Variants in BABAM2 observed in about 807,000 individuals in gnomAD.
The protein encoded by BABAM2 is BRISC and BRCA1 A complex member 2.
Under a neutral mutation model 54.7 loss-of-function variants are expected in BABAM2, and 31 were observed. The ratio of observed to expected loss-of-function variants is 0.57; its 90% CI spans 0.43 to 0.77. The LOEUF is 0.77. BABAM2 is among the 30% of genes least tolerant of loss of function. BABAM2 has a pLI of 0.00. For missense variants in BABAM2, 364 were observed against 455.8 expected, an observed-to-expected ratio of 0.80 and a Z score of 1.83; for synonymous variants, 167 against 162.9, an observed-to-expected ratio of 1.03 and a Z score of -0.19.
chr2:27,978,544 C>G (rs995994203), intron 3 of BABAM2, among the ~76,000 whole-genome samples: 11 of 152,204 alleles, frequency 7.2e-5, no homozygotes, highest in African/African-American at 2.4e-4. Context: ...CACTTCCATA[C>G]TTGGAGTTTC....
At chr2:28,194,641 G>C (rs1018609993) in intron 7 of BABAM2, among the ~76,000 whole-genome samples, 6 of 140,482 alleles carry the variant, frequency 4.3e-5, no homozygotes, top group Admixed American at 3.8e-4. Flanking sequence ...GAGTACGGTG[G>C]CACGATCTCG....
chr2:28,283,014 A>AGG, intron 10 of BABAM2, among the ~76,000 whole-genome samples: 3 of 58,826 alleles, frequency 5.1e-5, no homozygotes, highest in Non-Finnish European at 4.2e-5. Flanking sequence ...AAAAAAAAAA[A>AGG]AAAAGGAATG....
At chr2:27,955,991 T>TC (rs397704340) in intron 3 of BABAM2, among the ~76,000 whole-genome samples, 17 of 151,828 alleles carry the variant, frequency 1.1e-4, no homozygotes, top group Non-Finnish European at 2.1e-4. Flanking sequence ...GTTTTTTTTT[T>TC]CCTGTAGAAT....
chr2:27,987,707 T>TG (rs996632194), intron 3 of BABAM2, among the ~76,000 whole-genome samples: 15 of 149,864 alleles, frequency 1.0e-4, no homozygotes, highest in Admixed American at 6.7e-4. Context: ...CTCAGCTCCT[T>TG]GGGGGGCTGA....
intron 3 of BABAM2, among the ~76,000 whole-genome samples, chr2:27,933,596 G>A (rs1254165932): frequency 2.0e-5 from 3 of 151,800 alleles, no homozygotes; most frequent in Non-Finnish European, 2.9e-5. Context: ...AGCCTCCGGA[G>A]TAGTTGGAAC....
chr2:28,043,477 A>G (rs1677297103), intron 5 of BABAM2, among the ~76,000 whole-genome samples: 1 of 152,106 alleles, frequency 6.6e-6, no homozygotes. Context: ...GGCACTGTAC[A>G]CAGTGCTAAG....
In BABAM2 at chr2:28,292,413, T is replaced by G. The variant is rs142409834; in HGVS notation, c.935-5925T>G. ...TTCTGAAATAGATTATACAATTATA[T>G]GTACATAGATTATACAGTTATCTTG... On this transcript the variant is annotated intron_variant, in intron 10 of 11. Coordinates refer to ENST00000379624, the MANE Select transcript of BABAM2 (RefSeq NM_199191.3). 4.8e-3 allele frequency among the ~76,000 whole-genome samples: 727 copies of G among 152,350 alleles called. 6 individuals carry two copies. The highest frequency in any genetic ancestry group is 0.016 in the African/African-American group (682 of 41,580).
At chr2:28,286,684 A>G (rs776611571) in intron 10 of BABAM2, among the ~76,000 whole-genome samples, 4 of 152,120 alleles carry the variant, frequency 2.6e-5, no homozygotes, top group Non-Finnish European at 5.9e-5. Flanking sequence ...CTCATCTAAT[A>G]AGCCTCCTAG....
intron 6 of BABAM2, among the ~76,000 whole-genome samples, chr2:28,051,949 C>G (rs569757853): frequency 6.6e-6 from 1 of 151,566 alleles, no homozygotes; most frequent in East Asian, 2.0e-4. Context: ...CATGCCTGGC[C>G]AAGTCAGGGT....
chr2:28,082,833 C>T (rs191435719), intron 6 of BABAM2, among the ~76,000 whole-genome samples: 7 of 152,230 alleles, frequency 4.6e-5, no homozygotes, highest in East Asian at 3.9e-4. Context: ...TGATTCTGTT[C>T]GTTGCTGTGG....
chr2:28,198,418 A>G (rs1968001), intron 7 of BABAM2, among the ~76,000 whole-genome samples: 149,715 of 152,164 alleles, frequency 0.98, 73,699 homozygotes, highest in Middle Eastern at 1. Context: ...CACCCACCTC[A>G]GCCTCCCAAA....
chr2:28,211,386 C>CTTTTTTTTTTTTTTTTT lies in BABAM2; in HGVS notation c.681-25814_681-25798dup, dbSNP rs770284745. Among the ~76,000 whole-genome samples the CTTTTTTTTTTTTTTTTT allele has an allele frequency of 8.5e-4, 82 of 96,876 alleles. 3 individuals carry two copies. Among genetic ancestry groups the CTTTTTTTTTTTTTTTTT allele is most frequent in the Non-Finnish European group, 1.3e-3 (68 of 51,022 alleles). The allele number at this position is 96,876 out of a possible 152,430, so 63.6% of individuals were successfully genotyped here. ...CCATGTATAGTTCCTTCCTTATTATCTTTTTTTTTTTTTTTTTTGAGAAAG... is the reference window on the plus strand; with the variant it reads ...CCATGTATAGTTCCTTCCTTATTATCTTTTTTTTTTTTTTTTTTTTTTTTTTTTTTTTTTTGAGAAAG... On this transcript the variant is annotated intron_variant, in intron 7 of 11. Transcript: ENST00000379624.
At chr2:28,222,932 G>A (rs1355011219) in intron 7 of BABAM2, among the ~76,000 whole-genome samples, 6 of 152,208 alleles carry the variant, frequency 3.9e-5, no homozygotes, top group East Asian at 3.8e-4. Flanking sequence ...GGCCCGCCCC[G>A]CACTCTGTCT....
intron 11 of BABAM2, among the ~76,000 whole-genome samples, chr2:28,316,671 G>A (rs1199690946): frequency 6.6e-6 from 1 of 152,122 alleles, no homozygotes; most frequent in African/African-American, 2.4e-5. Flanking sequence ...TCAGGGCAGA[G>A]CATCCTCTTC....
At chr2:28,060,422 C>G (rs1039071241) in intron 6 of BABAM2, among the ~76,000 whole-genome samples, 2 of 152,128 alleles carry the variant, frequency 1.3e-5, no homozygotes, top group African/African-American at 4.8e-5. Context: ...AGACCAAATA[C>G]TTTCTCTCTA....
chr2:28,123,711 A>G (rs1029756948), intron 6 of BABAM2, among the ~76,000 whole-genome samples: 16 of 152,206 alleles, frequency 1.1e-4, no homozygotes, highest in Non-Finnish European at 1.9e-4. Context: ...TAAGCACTCA[A>G]ATTCAAACTT....
chr2:27,996,814 C>G (rs1266111260), intron 4 of BABAM2, among the ~76,000 whole-genome samples: 1 of 152,102 alleles, frequency 6.6e-6, no homozygotes, highest in Non-Finnish European at 1.5e-5. Flanking sequence ...GAGGTTTTCT[C>G]CTCTTGATTC....
chr2:28,049,906 A>G (rs1677875769), intron 6 of BABAM2, among the ~76,000 whole-genome samples: 1 of 152,194 alleles, frequency 6.6e-6, no homozygotes, highest in African/African-American at 2.4e-5. Flanking sequence ...TCAGCCTGAC[A>G]TTGGCCAGCC....
intron 4 of BABAM2, among the ~76,000 whole-genome samples, chr2:28,022,628 A>G (rs1431886234): frequency 2.0e-5 from 3 of 151,878 alleles, no homozygotes; most frequent in Admixed American, 2.0e-4. Context: ...TTAATATGTG[A>G]TGTGCCCTGT....
Sources: allele counts gnomAD v4.1 joint callset (sites outside exome capture counted in the v4.1 genomes callset), GRCh38; gene constraint gnomAD v4.1.1; transcripts MANE v1.5; gene names NCBI Gene and HGNC (gene_info 2026-07-23, HGNC 2026-07-21).